Variants in SMARCA2 observed in about 807,000 individuals in gnomAD.
SMARCA2 encodes the protein SWI/SNF related BAF chromatin remodeling complex subunit ATPase 2, also known as SWI/SNF-related matrix-associated actin-dependent regulator of chromatin subfamily A member 2.
Under a neutral mutation model 199.8 loss-of-function variants are expected in SMARCA2, and 61 were observed. That is an observed-to-expected ratio of 0.31 (90% CI 0.25 to 0.38). SMARCA2 has a LOEUF of 0.38. Ranked by LOEUF, SMARCA2 falls within the 10% of genes least tolerant of loss-of-function variation. SMARCA2 has a pLI of 1.00. For missense variants in SMARCA2, 1,344 were observed against 2,012.2 expected, an observed-to-expected ratio of 0.67 and a Z score of 6.35; for synonymous variants, 935 against 732.0, an observed-to-expected ratio of 1.28 and a Z score of -4.48.
At chr9:2,177,457 AAAAG>A (rs1223972752) in intron 29 of SMARCA2, among the ~76,000 whole-genome samples, 1 of 152,220 alleles carries the variant, frequency 6.6e-6, no homozygotes, top group Non-Finnish European at 1.5e-5. Context: ...GAGCAGGTAA[AAAAG>A]AAAAACCATA....
At position 2,119,383 on chromosome 9, in the gene SMARCA2, G is replaced by A; in HGVS notation, c.3685-75G>A. 4.2e-6 allele frequency: 4 copies of A among 952,334 alleles called. No homozygotes were observed. The highest frequency in any genetic ancestry group is 2.1e-4 in the Middle Eastern group (1 of 4,784). 59.0% of individuals were successfully genotyped at this position (952,334 alleles called of 1,614,324 possible). A position where few individuals can be genotyped will look rare whatever the true frequency, so the allele number is the denominator to read the frequency against. On this transcript the variant is annotated intron_variant, in intron 25 of 33. Transcript: ENST00000349721. The surrounding 1 kb of genome is among the most constrained non-coding windows in gnomAD (Gnocchi z 4.6). ...TGAGAAATGGGACCCCTCTGGTCTG[G>A]AGGACAGATCACTTACTTGTTTGTA...
intron 19 of SMARCA2, among the ~76,000 whole-genome samples, chr9:2,092,929 G>A (rs1343541847): frequency 6.6e-6 from 1 of 152,174 alleles, no homozygotes; most frequent in Non-Finnish European, 1.5e-5. Context: ...CAACCGAGTT[G>A]GAGTTGGCAC....
chr9:2,184,871 C>A (rs934668041), intron 31 of SMARCA2, among the ~76,000 whole-genome samples: 1 of 150,588 alleles, frequency 6.6e-6, no homozygotes, highest in Non-Finnish European at 1.5e-5. Context: ...TCGCGCGGGT[C>A]CTTTGTTCTG....
rs1384747558 is a variant in SMARCA2, at chr9:2,086,741, T to G, written c.2527-88T>G. 4 of 1,462,612 alleles carry G rather than the reference T, an allele frequency of 2.7e-6. No homozygotes were observed. The highest frequency in any genetic ancestry group is 2.8e-5 in the African/African-American group (2 of 72,076). 90.6% of individuals were successfully genotyped at this position (1,462,612 alleles called of 1,614,324 possible). ...CATATCATATACCAAGGATGGGTTC[T>G]TTGGTTTTCCGCACCACCACTTGCT... On this transcript the variant is annotated intron_variant, in intron 17 of 33. Coordinates refer to ENST00000349721, the MANE Select transcript of SMARCA2 (RefSeq NM_003070.5). This position sits in a 1 kb window ranked among gnomAD's most constrained non-coding sequence, Gnocchi z 4.3.
intron 27 of SMARCA2, among the ~76,000 whole-genome samples, chr9:2,140,286 A>C (rs72689134): frequency 0.011 from 1,731 of 152,302 alleles, 16 homozygotes; most frequent in Non-Finnish European, 0.019. Context: ...GACCATATTC[A>C]TTTGCATTTA....
chr9:2,071,844 CTT>C (rs887942328), intron 10 of SMARCA2, among the ~76,000 whole-genome samples: 1 of 152,040 alleles, frequency 6.6e-6, no homozygotes, highest in African/African-American at 2.4e-5. Flanking sequence ...TTCTTTATCT[CTT>C]GAGTATATAG....
chr9:2,042,699 T>C (rs1357072099), intron 4 of SMARCA2: 1 of 152,006 alleles, frequency 6.6e-6, no homozygotes, highest in African/African-American at 2.4e-5. Context: ...CCTACATCTT[T>C]CGTCATCAGG....
At chr9:2,168,982 G>T (rs1826086309) in intron 28 of SMARCA2, among the ~76,000 whole-genome samples, 1 of 151,652 alleles carries the variant, frequency 6.6e-6, no homozygotes, top group Non-Finnish European at 1.5e-5. Flanking sequence ...TTTTCCTCCC[G>T]TCACTCGTGC....
chr9:2,119,596 G>A lies in SMARCA2; in HGVS notation c.3762+61G>A. The A allele has an allele frequency of 8.5e-7, 1 of 1,173,030 alleles. No homozygotes were observed. Among genetic ancestry groups the A allele is most frequent in the Admixed American group, 1.7e-5 (1 of 58,554 alleles). 72.7% of individuals were successfully genotyped at this position (1,173,030 alleles called of 1,614,324 possible). ...ATACCTCTGCCCCTTTTTCTGTTAA[G>A]CAGAATGTCTGCAGCCTGCGTGCCT... On this transcript the variant is annotated intron_variant, in intron 26 of 33. Transcript: ENST00000349721. This position sits in a 1 kb window ranked among gnomAD's most constrained non-coding sequence, Gnocchi z 4.6.
chr9:2,040,882 G>A (rs1353209446), intron 4 of SMARCA2: 1 of 152,626 alleles, frequency 6.6e-6, no homozygotes, highest in Non-Finnish European at 1.5e-5. Context: ...TTCCATGAAG[G>A]TTGTTTTCTC....
intron 23 of SMARCA2, among the ~76,000 whole-genome samples, chr9:2,108,749 C>T (rs978243354): frequency 6.6e-5 from 10 of 152,126 alleles, no homozygotes; most frequent in African/African-American, 2.4e-4. Context: ...ACAGATAGTT[C>T]ACCATGATCT....
In SMARCA2 at chr9:2,161,296, G is replaced by C. The variant is rs188569502; in HGVS notation, c.3982-390G>C. ...ATTGTTTTTTCATAACCCACCCCTC[G>C]TTTTGTTTACCTTTTCCTTCCCTTA... On this transcript the variant is annotated intron_variant, in intron 27 of 33. Transcript: ENST00000349721. This position sits in a 1 kb window ranked among gnomAD's most constrained non-coding sequence, Gnocchi z 4.7. 6.6e-6 allele frequency among the ~76,000 whole-genome samples: 1 copy of C among 152,090 alleles called. No individual in the cohort carries two copies. The highest frequency in any genetic ancestry group is 1.5e-5 in the Non-Finnish European group (1 of 68,006).
intron 1 of SMARCA2, among the ~76,000 whole-genome samples, chr9:2,025,999 C>T (rs1474101500): frequency 6.6e-6 from 1 of 152,108 alleles, no homozygotes; most frequent in African/African-American, 2.4e-5. Flanking sequence ...AGGCAGCAGG[C>T]ATCAAGTCAC....
rs1364719847 is a variant in SMARCA2 at position 2,104,373 on chromosome 9, A to G, written c.3292+204A>G. Among the ~76,000 whole-genome samples, 1 of 152,232 alleles carries G rather than the reference A, an allele frequency of 6.6e-6. No individual in the cohort carries two copies. The highest frequency in any genetic ancestry group is 2.4e-5 in the African/African-American group (1 of 41,456). On this transcript the variant is annotated intron_variant, in intron 23 of 33. Transcript: ENST00000349721. The surrounding 1 kb of genome is among the most constrained non-coding windows in gnomAD (Gnocchi z 4.0). ...TCATTTGTGCAGCTGCATAGCCCAC[A>G]AATAAACCAACACAAATGAGTTTAG...
intron 2 of SMARCA2, among the ~76,000 whole-genome samples, chr9:2,030,190 A>G (rs2130185149): frequency 6.6e-6 from 1 of 152,286 alleles, no homozygotes; most frequent in South Asian, 2.1e-4. Flanking sequence ...CCAATAGGAG[A>G]TAGAGATATA....
At position 2,123,600 on chromosome 9, in the gene SMARCA2, G is replaced by C. The variant is rs1823559055; in HGVS notation, c.3763-119G>C. Reference sequence around the variant, plus strand: ...AGCTAGAACAAGCCAACCAGGATGAGAGAGGTTGAAAGGGACCCTGCAGCC... The same window carrying C: ...AGCTAGAACAAGCCAACCAGGATGACAGAGGTTGAAAGGGACCCTGCAGCC... On this transcript the variant is annotated intron_variant, in intron 26 of 33. Coordinates refer to ENST00000349721, the MANE Select transcript of SMARCA2 (RefSeq NM_003070.5). The surrounding 1 kb of genome is among the most constrained non-coding windows in gnomAD (Gnocchi z 4.1). The C allele has an allele frequency of 4.8e-6, 4 of 832,786 alleles. No homozygotes were observed. The highest frequency in any genetic ancestry group is 4.0e-5 in the Admixed American group (2 of 50,076). The allele number at this position is 832,786 out of a possible 1,614,324, so 51.6% of individuals were successfully genotyped here. A position where few individuals can be genotyped will look rare whatever the true frequency, so the allele number is the denominator to read the frequency against.
At chr9:2,096,821 T>C in intron 20 of SMARCA2, 57 bp downstream of exon 20, 1 of 1,002,082 alleles carries the variant, frequency 1.0e-6, no homozygotes, top group South Asian at 1.3e-5. Context: ...CTCATGGCTG[T>C]GACATTGAAT....
chr9:2,079,390 C>T (rs936498853), intron 14 of SMARCA2, among the ~76,000 whole-genome samples: 4 of 152,216 alleles, frequency 2.6e-5, no homozygotes, highest in Admixed American at 2.6e-4. Flanking sequence ...GTCCTCTCTA[C>T]TCTTAACACT....
Position 2,193,599 on chromosome 9 carries a change from A to G in SMARCA2, c.*860A>G, listed in dbSNP as rs188397000. 2.6e-5 allele frequency: 4 copies of G among 152,794 alleles called. No individual in the cohort carries two copies. The highest frequency in any genetic ancestry group is 9.6e-5 in the African/African-American group (4 of 41,586). The allele number at this position is 152,794 out of a possible 1,614,324, so 9.5% of individuals were successfully genotyped here. A position where few individuals can be genotyped will look rare whatever the true frequency, so the allele number is the denominator to read the frequency against. ...AGAATGTGGTGTTGGTGCTTTCCTAATAAAGAAATAATTTAGCTTGACAAA... is the reference window on the plus strand; with the variant it reads ...AGAATGTGGTGTTGGTGCTTTCCTAGTAAAGAAATAATTTAGCTTGACAAA... On this transcript the variant is annotated 3_prime_UTR_variant, in exon 34 of 34. Transcript: ENST00000349721.
Sources: gnomAD v4.1 joint callset for allele counts (sites outside exome capture counted in the v4.1 genomes callset) on GRCh38, gnomAD v4.1.1 for gene constraint, Gnocchi (gnomAD v3.1) non-coding constraint, MANE v1.5 for transcripts, NCBI Gene and HGNC (gene_info 2026-07-23, HGNC 2026-07-21) for gene names.